The following LETM1 variants were observed in gnomAD, a reference collection of about 807,000 sequenced individuals.
LETM1 encodes the protein leucine zipper and EF-hand containing transmembrane protein 1, also known as mitochondrial proton/calcium exchanger protein.
LETM1 carries 50 observed loss-of-function variants against 74.5 expected under a neutral mutation model. That is an observed-to-expected ratio of 0.67 (90% confidence interval 0.53 to 0.85). The LOEUF is 0.85. Ranked by LOEUF, LETM1 falls within the 40% of genes least tolerant of loss-of-function variation. The pLI is 0.00. For synonymous variants in LETM1, 446 were observed against 407.1 expected (o/e 1.10, Z -1.15); for missense variants, 824 against 967.8 (o/e 0.85, Z 1.97).
intron 2 of LETM1, among the ~76,000 whole-genome samples, chr4:1,847,546 G>A (rs559510029): frequency 5.3e-5 from 8 of 152,216 alleles, no homozygotes; most frequent in South Asian, 2.1e-4. Flanking sequence ...GCAGCTAGGC[G>A]CAGTGGCTCA....
At chr4:1,844,889 A>C (rs1712825846) in intron 2 of LETM1, among the ~76,000 whole-genome samples, 1 of 142,038 alleles carries the variant, frequency 7.0e-6, no homozygotes. Flanking sequence ...CTCTACAGAA[A>C]AAAAAAAAAA....
chr4:1,823,152 G>A (rs1711849663), intron 8 of LETM1, 21 bp from the exon 9 acceptor site: 1 of 1,562,522 alleles, frequency 6.4e-7, no homozygotes, highest in Admixed American at 1.8e-5. Context: ...GGGTACATCT[G>A]TGGGTGAGCC....
At chr4:1,855,267 C>T (rs1290775298) in intron 1 of LETM1, among the ~76,000 whole-genome samples, 1 of 152,232 alleles carries the variant, frequency 6.6e-6, no homozygotes, top group African/African-American at 2.4e-5. Context: ...TGGGCACACC[C>T]TGGGACAGCA....
Position 1,819,446 on chromosome 4 carries a change from G to T in LETM1, c.1635C>A (p.Ile545=), listed in dbSNP as rs374644730. ...LKEEEITKEE[I]DILSDACSKL... is the part of the protein sequence containing the mutation. Reference sequence around the variant, plus strand: ...TAGAGCAGGCATCGCTGAGGATGTCGATTTCCTCCTTCGTGATCTCTTCCT... The same window carrying T: ...TAGAGCAGGCATCGCTGAGGATGTCTATTTCCTCCTTCGTGATCTCTTCCT... The change falls in exon 11 of 14, where the codon ATC becomes ATA. Residue 545 remains isoleucine, a synonymous_variant. Coordinates refer to ENST00000302787, the MANE Select transcript of LETM1 (RefSeq NM_012318.3). 1.9e-6 allele frequency: 3 copies of T among 1,613,190 alleles called. No individual in the cohort carries two copies. The highest frequency in any genetic ancestry group is 1.7e-6 in the Non-Finnish European group (2 of 1,179,684).
At chr4:1,820,468 C>T (rs771632130) in intron 10 of LETM1, among the ~76,000 whole-genome samples, 3 of 152,122 alleles carry the variant, frequency 2.0e-5, no homozygotes, top group Non-Finnish European at 4.4e-5. Context: ...TTTCTGTATT[C>T]AACTGCCCTG....
In LETM1 at chr4:1,825,578, C is replaced by T. The variant is rs2108840363; in HGVS notation, c.1186G>A (p.Gly396Ser). Reference protein sequence around the residue: ...ALGVTEDRLRGQLKQWLDLHL... With the variant: ...ALGVTEDRLRSQLKQWLDLHL... ...TATTCACGCACCTGCTTCAGCTGACCCCTCAGGCGGTCTTCCGTGACGCCC... is the reference window on the plus strand; with the variant it reads ...TATTCACGCACCTGCTTCAGCTGACTCCTCAGGCGGTCTTCCGTGACGCCC... Residue 396 changes from glycine (G) to serine (S), a missense_variant, in exon 7 of 14, where the codon GGT becomes AGT. By Grantham distance (56) the Gly-to-Ser change is moderately conservative. Coordinates refer to ENST00000302787, the MANE Select transcript of LETM1 (RefSeq NM_012318.3). 1.2e-6 allele frequency: 2 copies of T among 1,613,120 alleles called. No individual in the cohort carries two copies. The highest frequency in any genetic ancestry group is 1.7e-6 in the Non-Finnish European group (2 of 1,179,266).
intron 11 of LETM1, among the ~76,000 whole-genome samples, chr4:1,818,443 C>T (rs1481221696): frequency 6.6e-6 from 1 of 151,800 alleles, no homozygotes; most frequent in Non-Finnish European, 1.5e-5. Flanking sequence ...GAAACCCTGT[C>T]TCTACTAAAA....
chr4:1,828,022 G>A (rs1206297777), intron 6 of LETM1, among the ~76,000 whole-genome samples: 3 of 139,412 alleles, frequency 2.2e-5, no homozygotes, highest in Non-Finnish European at 4.5e-5. Context: ...CAACCCGGAC[G>A]GGGCGGCTGG....
Position 1,823,772 on chromosome 4 carries a change from G to A in LETM1, c.1204C>T (p.Leu402=). The change falls in exon 8 of 14, where the codon CTG becomes TTG. Residue 402 remains leucine, a synonymous_variant. Coordinates refer to ENST00000302787, the MANE Select transcript of LETM1 (RefSeq NM_012318.3). ...DRLRGQLKQW[L]DLHLHQEIPT... ...ATCTCCTGATGCAGGTGCAGGTCCA[G>A]CCACTGCAACCAAGGCCAGGTTCAG... is the stretch of plus-strand genomic sequence containing the variant. 1 of 1,608,876 alleles carries A rather than the reference G, an allele frequency of 6.2e-7. No individual in the cohort carries two copies. The highest frequency in any genetic ancestry group is 8.5e-7 in the Non-Finnish European group (1 of 1,176,906).
intron 7 of LETM1, among the ~76,000 whole-genome samples, chr4:1,825,036 C>T (rs1196666371): frequency 6.6e-6 from 1 of 152,254 alleles, no homozygotes; most frequent in Non-Finnish European, 1.5e-5. Flanking sequence ...TGGAGCCCTG[C>T]ACCCCTTAAC....
chr4:1,825,269 C>A (rs117750225), intron 7 of LETM1, among the ~76,000 whole-genome samples: 1 of 152,250 alleles, frequency 6.6e-6, no homozygotes, highest in East Asian at 1.9e-4. Context: ...CAGTCCTCAT[C>A]TGACTACAGA....
intron 1 of LETM1, among the ~76,000 whole-genome samples, chr4:1,852,142 G>A (rs1320795929): frequency 1.3e-5 from 2 of 152,066 alleles, no homozygotes; most frequent in African/African-American, 4.8e-5. Context: ...ACAGGGTACG[G>A]GCTCAGTCCC....
At chr4:1,850,828 T>C (rs911604819) in intron 1 of LETM1, among the ~76,000 whole-genome samples, 2 of 149,632 alleles carry the variant, frequency 1.3e-5, no homozygotes, top group African/African-American at 5.0e-5. Flanking sequence ...TAGCCGGACA[T>C]GATGGCAGGT....
rs1722548175 is a variant in LETM1, at chr4:1,814,348, A to C, written c.*76T>G. The C allele has an allele frequency of 6.3e-7, 1 of 1,595,026 alleles. No individual in the cohort carries two copies. The highest frequency in any genetic ancestry group is 1.1e-5 in the South Asian group (1 of 90,032). On this transcript the variant is annotated 3_prime_UTR_variant, in exon 14 of 14. Coordinates refer to ENST00000302787, the MANE Select transcript of LETM1 (RefSeq NM_012318.3). ...AATATTAGATGAGCCACTGAGAATC[A>C]CCACAAAGCAATCGCCCTCACGGCC...
At position 1,814,024 on chromosome 4, in the gene LETM1, A is replaced by G. The variant is rs1431242079; in HGVS notation, c.*400T>C. On this transcript the variant is annotated 3_prime_UTR_variant, in exon 14 of 14. Coordinates refer to ENST00000302787, the MANE Select transcript of LETM1 (RefSeq NM_012318.3). ...CAGGCTGTGTCTCCTGACGCCCCTG[A>G]GGGTGGGCACAGCAGCCAGCTCTGT... The G allele has an allele frequency of 9.0e-6, 2 of 223,388 alleles. No homozygotes were observed. The highest frequency in any genetic ancestry group is 1.8e-5 in the Non-Finnish European group (2 of 110,856). The allele number at this position is 223,388 out of a possible 1,614,324, so 13.8% of individuals were successfully genotyped here.
At chr4:1,848,012 A>T (rs993169974) in intron 2 of LETM1, among the ~76,000 whole-genome samples, 3 of 151,816 alleles carry the variant, frequency 2.0e-5, no homozygotes, top group Non-Finnish European at 1.5e-5. Context: ...ATAAAAATAA[A>T]AAAAAAAAAG....
chr4:1,815,949 T>A, intron 12 of LETM1, 147 bp from the exon 13 acceptor site: 1 of 891,808 alleles, frequency 1.1e-6, no homozygotes, highest in South Asian at 1.6e-5. Context: ...CCCCAAGGTA[T>A]GATCCCATCC....
chr4:1,828,777 AC>A (rs1712130183), intron 6 of LETM1, among the ~76,000 whole-genome samples: 2 of 85,182 alleles, frequency 2.3e-5, no homozygotes, highest in African/African-American at 4.6e-5. Flanking sequence ...GGCGCCCCCC[AC>A]CCCCCGGACG....
chr4:1,848,816 C>T (rs111562208), intron 2 of LETM1, among the ~76,000 whole-genome samples: 3 of 151,658 alleles, frequency 2.0e-5, no homozygotes, highest in African/African-American at 7.3e-5. Flanking sequence ...TGACACTGGG[C>T]ACTTTGAGGG....
Sources: allele counts gnomAD v4.1 joint callset (sites outside exome capture counted in the v4.1 genomes callset), GRCh38; gene constraint gnomAD v4.1.1; transcripts MANE v1.5; gene names NCBI Gene and HGNC (gene_info 2026-07-23, HGNC 2026-07-21).